Variants in EVL observed in about 807,000 individuals in gnomAD.
EVL encodes ena/VASP-like protein.
In EVL, 21 loss-of-function variants were observed where a neutral mutation model predicts 59.6. The observed-to-expected ratio is 0.35, with a 90% CI of 0.25 to 0.51. The LOEUF is 0.51. EVL is among the 20% of genes least tolerant of loss of function. The probability of loss-of-function intolerance (pLI) is 0.97; values close to 1 mark genes in which losing one functional copy is unlikely to be tolerated. For missense variants in EVL, 462 were observed against 546.6 expected, an observed-to-expected ratio of 0.85 and a Z score of 1.54; for synonymous variants, 198 against 203.5, an observed-to-expected ratio of 0.97 and a Z score of 0.23.
At chr14:100,074,444 A>T (rs1204618706) in intron 1 of EVL, 1 of 152,142 alleles carries the variant, frequency 6.6e-6, no homozygotes, top group Non-Finnish European at 1.5e-5. Flanking sequence ...CATCAGCCTT[A>T]TTTGATCTCC....
chr14:100,087,417 C>T (rs980162005), intron 2 of EVL, among the ~76,000 whole-genome samples: 1 of 152,118 alleles, frequency 6.6e-6, no homozygotes, highest in East Asian at 1.9e-4. Flanking sequence ...AGTTCCAGAC[C>T]AGCCTGGGCA....
rs1888302969 is a variant in EVL, at chr14:100,129,585, C to T, written c.740C>T (p.Ser247Phe). 1.2e-6 allele frequency: 2 copies of T among 1,613,720 alleles called. No individual in the cohort carries two copies. Among genetic ancestry groups the T allele is most frequent in the African/African-American group, 1.3e-5 (1 of 75,070 alleles). ...CAGCCAGAAGACGCATCTGGAGGCTCCAGTCCCAGTGGGACCTCAAAGTCC... is the reference window on the plus strand; with the variant it reads ...CAGCCAGAAGACGCATCTGGAGGCTTCAGTCCCAGTGGGACCTCAAAGTCC... ...VQRPEDASGG[S>F]SPSGTSKSDA... Residue 247 changes from serine (S) to phenylalanine (F), a missense_variant, in exon 7 of 14, where the codon TCC becomes TTC. Transcript: ENST00000392920.
intron 1 of EVL, among the ~76,000 whole-genome samples, chr14:100,043,042 T>C (rs2061490040): frequency 6.6e-6 from 1 of 152,178 alleles, no homozygotes; most frequent in Non-Finnish European, 1.5e-5. Context: ...ACCTCTTTTT[T>C]CAGCATATCA....
chr14:100,023,252 T>C (rs548726648), intron 1 of EVL, among the ~76,000 whole-genome samples: 2 of 151,212 alleles, frequency 1.3e-5, no homozygotes, highest in East Asian at 1.9e-4. Context: ...TCACCTGGGT[T>C]GGCGTGCAGC....
chr14:100,112,109 G>C (rs182644681), intron 3 of EVL, among the ~76,000 whole-genome samples: 2 of 152,308 alleles, frequency 1.3e-5, no homozygotes, highest in East Asian at 3.9e-4. Flanking sequence ...CCTAAGGAAG[G>C]AGTTTTACAA....
At chr14:100,043,663 A>T (rs2061503491) in intron 1 of EVL, among the ~76,000 whole-genome samples, 1 of 140,734 alleles carries the variant, frequency 7.1e-6, no homozygotes, top group Non-Finnish European at 1.5e-5. Flanking sequence ...CCTAGGCTGG[A>T]GTACAGTGGC....
chr14:100,047,618 T>G (rs556842176), intron 1 of EVL, among the ~76,000 whole-genome samples: 1 of 152,318 alleles, frequency 6.6e-6, no homozygotes, highest in South Asian at 2.1e-4. Context: ...TGGCAGTGCC[T>G]TGCTTATATT....
rs113955302 is a variant in EVL at position 100,032,751 on chromosome 14, A to C, written c.6-51936A>C. On this transcript the variant is annotated intron_variant, in intron 1 of 13. Coordinates refer to the EVL transcript ENST00000402714. ...CCTTTTCTGACCTCTACAGCCCACA[A>C]AATTTCTCTTTTTTCTGAACTCTCC... is the stretch of plus-strand genomic sequence containing the variant. Among the ~76,000 whole-genome samples the C allele has an allele frequency of 7.9e-4, 121 of 152,214 alleles. 1 individual carries two copies. The highest frequency in any genetic ancestry group is 2.6e-3 in the African/African-American group (110 of 41,522).
rs761851607 is a variant in EVL, at chr14:100,018,317, G to A, written c.5+46260G>A. Among the ~76,000 whole-genome samples, 6 of 152,342 alleles carry A rather than the reference G, an allele frequency of 3.9e-5. No individual in the cohort carries two copies. In the South Asian group the frequency reaches 1.2e-3, roughly 32 times the overall value. ...CCTCATCCAGCTGGTCCATGGGCCC[G>A]AGAAGGGAGGTCCTGACAGATTTTG... is the stretch of plus-strand genomic sequence containing the variant. On this transcript the variant is annotated intron_variant, in intron 1 of 13. Transcript: ENST00000402714.
intron 1 of EVL, among the ~76,000 whole-genome samples, chr14:100,080,998 C>T (rs114121443): frequency 1.6e-3 from 247 of 152,254 alleles, no homozygotes; most frequent in Middle Eastern, 0.01. Flanking sequence ...TAGCTAGGCA[C>T]GGTGGCTCAT....
At chr14:100,026,238 A>G (rs544040532) in intron 1 of EVL, among the ~76,000 whole-genome samples, 1,758 of 126,988 alleles carry the variant, frequency 0.014, 18 homozygotes, top group Non-Finnish European at 0.018. Context: ...CAGGAAAAAA[A>G]AAAACAAAAA....
Position 100,114,784 on chromosome 14 carries a change from C to T in EVL, c.359-8755C>T, listed in dbSNP as rs1434715827. 6.6e-6 allele frequency among the ~76,000 whole-genome samples: 1 copy of T among 152,192 alleles called. No individual in the cohort carries two copies. Among genetic ancestry groups the T allele is most frequent in the Non-Finnish European group, 1.5e-5 (1 of 68,038 alleles). ...CCTCATGGGCCTCTCCTTTCACTCCCACCTGCTCCGGGGGTGGGGGTGGGA... is the reference window on the plus strand; with the variant it reads ...CCTCATGGGCCTCTCCTTTCACTCCTACCTGCTCCGGGGGTGGGGGTGGGA... On this transcript the variant is annotated intron_variant, in intron 3 of 13. Coordinates refer to ENST00000392920, the MANE Select transcript of EVL (RefSeq NM_016337.3). This position sits in a 1 kb window ranked among gnomAD's most constrained non-coding sequence, Gnocchi z 5.0.
rs118120055 is a variant in EVL, at chr14:99,978,949, G to C, written c.5+6892G>C. On this transcript the variant is annotated intron_variant, in intron 1 of 13. Transcript: ENST00000402714. ...CTTATTTTAGCAAAAAAGTACTATT[G>C]AATCGACTTATTCAAATAAAGAAGT... 1.3e-3 allele frequency among the ~76,000 whole-genome samples: 194 copies of C among 152,232 alleles called. 1 individual carries two copies. Among genetic ancestry groups the C allele is most frequent in the South Asian group, 2.7e-3 (13 of 4,826 alleles).
At chr14:100,072,555 G>A (rs1383790857) in intron 1 of EVL, among the ~76,000 whole-genome samples, 4 of 152,188 alleles carry the variant, frequency 2.6e-5, no homozygotes, top group Non-Finnish European at 5.9e-5. Context: ...TTTTAGTAAA[G>A]TGTTGATTTT....
chr14:100,094,356 C>T (rs370933411), intron 2 of EVL, among the ~76,000 whole-genome samples: 1 of 152,126 alleles, frequency 6.6e-6, no homozygotes, highest in South Asian at 2.1e-4. Context: ...TCATTTCCCC[C>T]CCAAGAGCCA....
At chr14:100,052,530 T>C (rs962955799) in intron 1 of EVL, among the ~76,000 whole-genome samples, 2 of 152,064 alleles carry the variant, frequency 1.3e-5, no homozygotes, top group African/African-American at 4.8e-5. Flanking sequence ...GGCAGGAGGA[T>C]TGCTTGAGCC....
Position 100,128,767 on chromosome 14 carries a change from G to A in EVL, c.717+19G>A, listed in dbSNP as rs368142656. 280 of 1,597,552 alleles carry A rather than the reference G, an allele frequency of 1.8e-4. No homozygotes were observed. Among genetic ancestry groups the A allele is most frequent in the Non-Finnish European group, 2.2e-4 (264 of 1,176,068 alleles). The stretch of plus-strand genomic sequence containing the variant: ...CCAACGGGTAAGAGCTCCTGTGTGC[G>A]GGGTGGGAATGGGACCGAGGGGACC... On this transcript the variant is annotated intron_variant, in intron 6 of 13. Coordinates refer to ENST00000392920, the MANE Select transcript of EVL (RefSeq NM_016337.3).
intron 3 of EVL, among the ~76,000 whole-genome samples, chr14:100,110,304 T>C (rs1044732118): frequency 5.9e-4 from 89 of 151,248 alleles, no homozygotes; most frequent in African/African-American, 1.9e-3. Context: ...AGCCCTGGAG[T>C]CTGAGGCTGC....
At chr14:100,015,338 T>C (rs925095425) in intron 1 of EVL, among the ~76,000 whole-genome samples, 3 of 152,234 alleles carry the variant, frequency 2.0e-5, no homozygotes, top group South Asian at 2.1e-4. Context: ...TATTCTCATT[T>C]AGCTTTCCCA....
Sources: allele counts gnomAD v4.1 joint callset (sites outside exome capture counted in the v4.1 genomes callset), GRCh38; gene constraint gnomAD v4.1.1; non-coding constraint Gnocchi (gnomAD v3.1); transcripts MANE v1.5; gene names NCBI Gene and HGNC (gene_info 2026-07-23, HGNC 2026-07-21).